Variants in RBM47 observed in about 807,000 individuals in gnomAD.
RBM47 encodes RNA-binding protein 47.
Under a neutral mutation model 47.1 loss-of-function variants are expected in RBM47, and 21 were observed. The observed-to-expected ratio is 0.45, with a 90% CI of 0.32 to 0.64. RBM47 has a LOEUF of 0.64. Among genes scored for constraint, RBM47 ranks in the 30% least tolerant of loss-of-function variants. The pLI, the probability that RBM47 is intolerant of heterozygous loss-of-function variation, is 0.05. For missense variants in RBM47, 708 were observed against 870.9 expected (o/e 0.81, Z 2.35); for synonymous variants, 375 against 361.7 (o/e 1.04, Z -0.42).
In RBM47 at chr4:40,424,782, T is replaced by G. The variant is rs1430442756; in HGVS notation, c.*1122A>C. On this transcript the variant is annotated 3_prime_UTR_variant, in exon 7 of 7. Transcript: ENST00000295971. ...TGCTGAAAAGAGTCTCTGGGGGTCT[T>G]GTCTACGATAACATACATTCTTTGT... 1 of 152,182 alleles carries G rather than the reference T, an allele frequency of 6.6e-6. No homozygotes were observed. Among genetic ancestry groups the G allele is most frequent in the Admixed American group, 6.5e-5 (1 of 15,278 alleles). 9.4% of individuals were successfully genotyped at this position (152,182 alleles called of 1,614,324 possible). A position where few individuals can be genotyped will look rare whatever the true frequency, so the allele number is the denominator to read the frequency against.
At chr4:40,508,530 A>C (rs963178263) in intron 2 of RBM47, among the ~76,000 whole-genome samples, 3 of 152,240 alleles carry the variant, frequency 2.0e-5, no homozygotes, top group African/African-American at 7.2e-5. Flanking sequence ...CAACAGGATA[A>C]ATTATAACTA....
At chr4:40,429,511 G>A (rs1028265880) in intron 6 of RBM47, among the ~76,000 whole-genome samples, 6 of 151,792 alleles carry the variant, frequency 4.0e-5, no homozygotes, top group African/African-American at 1.5e-4. Flanking sequence ...CATTAATACA[G>A]CATCATCAAA....
intron 2 of RBM47, among the ~76,000 whole-genome samples, chr4:40,481,805 G>A (rs6827403): frequency 0.016 from 2,469 of 152,224 alleles, 42 homozygotes; most frequent in African/African-American, 0.033. Flanking sequence ...GCCCGCCTTG[G>A]TCTTCCAAAG....
At chr4:40,443,698 C>T (rs1235578791) in intron 3 of RBM47, among the ~76,000 whole-genome samples, 7 of 89,808 alleles carry the variant, frequency 7.8e-5, no homozygotes, top group African/African-American at 2.1e-4. Context: ...GCCTGGGCAA[C>T]AAGAGTGAAA....
intron 6 of RBM47, among the ~76,000 whole-genome samples, chr4:40,429,427 A>G (rs1009990787): frequency 3.9e-5 from 6 of 152,178 alleles, no homozygotes; most frequent in African/African-American, 1.4e-4. Flanking sequence ...GTTTGGTAAT[A>G]TCTGTGTTTC....
chr4:40,601,532 TTC>T (rs1735285146), intron 1 of RBM47, among the ~76,000 whole-genome samples: 1 of 152,212 alleles, frequency 6.6e-6, no homozygotes, highest in South Asian at 2.1e-4. Flanking sequence ...GTCAATGGCA[TTC>T]TCTTTTTGTT....
chr4:40,432,915 G>A (rs1455367119), intron 5 of RBM47, 53 bp from the exon 6 acceptor site: 7 of 1,600,870 alleles, frequency 4.4e-6, no homozygotes, highest in Non-Finnish European at 5.9e-6. Context: ...GTCGCTGAGT[G>A]GGGTCCAGCA....
chr4:40,560,582 T>G (rs1730514105), intron 1 of RBM47, among the ~76,000 whole-genome samples: 1 of 152,180 alleles, frequency 6.6e-6, no homozygotes, highest in Non-Finnish European at 1.5e-5. Flanking sequence ...TCCCCGACCC[T>G]CTCCTGCCTA....
intron 2 of RBM47, among the ~76,000 whole-genome samples, chr4:40,528,189 G>A (rs1459833334): frequency 1.3e-5 from 2 of 152,104 alleles, no homozygotes; most frequent in Non-Finnish European, 2.9e-5. Flanking sequence ...AAGGCGGGCA[G>A]ATCACAAGGT....
At chr4:40,478,009 CTTTTTTTTTT>C (rs1194806938) in intron 2 of RBM47, among the ~76,000 whole-genome samples, 1 of 86,412 alleles carries the variant, frequency 1.2e-5, no homozygotes, top group South Asian at 4.2e-4. Flanking sequence ...GTGGCATGTT[CTTTTTTTTTT>C]TTTTTTTTTT....
chr4:40,591,946 T>C (rs1734182145), intron 1 of RBM47, among the ~76,000 whole-genome samples: 1 of 152,156 alleles, frequency 6.6e-6, no homozygotes, highest in Admixed American at 6.5e-5. Context: ...TCAAAGTTAA[T>C]ATATATTTTG....
chr4:40,543,845 AC>A (rs1728768821), intron 2 of RBM47: 1 of 151,684 alleles, frequency 6.6e-6, no homozygotes, highest in South Asian at 2.1e-4. Context: ...GTAAGCACAG[AC>A]TTCTTACTAA....
At chr4:40,450,365 G>A (rs995769488) in intron 3 of RBM47, among the ~76,000 whole-genome samples, 6 of 152,146 alleles carry the variant, frequency 3.9e-5, no homozygotes, top group East Asian at 1.9e-4. Flanking sequence ...AGGCTGAGGC[G>A]GCCTGATCAC....
At chr4:40,626,164 A>T (rs1171375318) in intron 1 of RBM47, among the ~76,000 whole-genome samples, 1 of 152,220 alleles carries the variant, frequency 6.6e-6, no homozygotes, top group Non-Finnish European at 1.5e-5. Flanking sequence ...ACAAAAATGG[A>T]AGATTCATAA....
intron 2 of RBM47, among the ~76,000 whole-genome samples, chr4:40,532,544 C>T (rs922176438): frequency 1.3e-5 from 2 of 151,858 alleles, no homozygotes; most frequent in East Asian, 1.9e-4. Context: ...ATCTCCTGAC[C>T]TCATGATCCA....
At chr4:40,578,851 C>T (rs1379574765) in intron 1 of RBM47, among the ~76,000 whole-genome samples, 1 of 152,238 alleles carries the variant, frequency 6.6e-6, no homozygotes, top group Non-Finnish European at 1.5e-5. Flanking sequence ...GGCACGATGG[C>T]TCACGCCTGT....
At chr4:40,556,233 A>T (rs1440485434) in intron 1 of RBM47, among the ~76,000 whole-genome samples, 2 of 151,650 alleles carry the variant, frequency 1.3e-5, no homozygotes, top group Non-Finnish European at 2.9e-5. Context: ...ACGGGGTTTC[A>T]CCATGTTGGC....
chr4:40,616,290 C>T lies in RBM47; in HGVS notation c.-240+13106G>A, dbSNP rs550910810. Among the ~76,000 whole-genome samples, 170 of 148,604 alleles carry T rather than the reference C, an allele frequency of 1.1e-3. No individual in the cohort carries two copies. The East Asian group carries it at 0.022, about 19-fold the overall frequency. On this transcript the variant is annotated intron_variant, in intron 1 of 6. Transcript: ENST00000295971. ...AATGGCGTGAACCCGGGAGGCGGAG[C>T]TTGCAGTGAGCCGAGATCGCGCCAC...
At position 40,432,687 on chromosome 4, in the gene RBM47, AGCGGCTGCGGCGGCT is replaced by A. The variant is rs547575066; in HGVS notation, c.1491_1505del (p.Ala498_Ala502del). On this transcript the variant is annotated inframe_deletion, in exon 6 of 7. Transcript: ENST00000295971. The stretch of plus-strand genomic sequence containing the variant: ...GTGGCGTCGACACAGTGGGAATGAC[AGCGGCTGCGGCGGCT>A]GCGGCCGCGGCTGCGGCGGCAGCAG... 2 of 1,610,110 alleles carry A rather than the reference AGCGGCTGCGGCGGCT, an allele frequency of 1.2e-6. No homozygotes were observed. Among genetic ancestry groups the A allele is most frequent in the South Asian group, 1.1e-5 (1 of 90,822 alleles).
Sources: gnomAD v4.1 joint callset for allele counts (sites outside exome capture counted in the v4.1 genomes callset) on GRCh38, gnomAD v4.1.1 for gene constraint, MANE v1.5 for transcripts, NCBI Gene and HGNC (gene_info 2026-07-23, HGNC 2026-07-21) for gene names.